Variants in NPAS3 observed in about 807,000 individuals in gnomAD.
NPAS3 encodes the protein neuronal PAS domain protein 3.
In NPAS3, 14 loss-of-function variants were observed where a neutral mutation model predicts 73.1. That is an observed-to-expected ratio of 0.19 (90% CI 0.13 to 0.30). The LOEUF is 0.30. Ranked by LOEUF, NPAS3 falls within the 10% of genes least tolerant of loss-of-function variation. NPAS3 has a pLI of 1.00. For missense variants in NPAS3, 1,096 were observed against 1,250.0 expected (o/e 0.88, Z 1.86); for synonymous variants, 620 against 541.5 (o/e 1.14, Z -2.01).
chr14:33,160,393 C>T (rs1369944304), intron 2 of NPAS3, among the ~76,000 whole-genome samples: 7 of 148,026 alleles, frequency 4.7e-5, no homozygotes, highest in African/African-American at 1.0e-4. Context: ...TTTTATTTCA[C>T]ATTTAGTGAA....
chr14:33,239,876 A>G (rs1466470938), intron 3 of NPAS3, among the ~76,000 whole-genome samples: 1 of 151,586 alleles, frequency 6.6e-6, no homozygotes, highest in Non-Finnish European at 1.5e-5. Context: ...TTTTTTTCAT[A>G]ATTGAGTTAA....
Position 33,202,946 on chromosome 14 carries a change from T to C in NPAS3, c.141-12236T>C, listed in dbSNP as rs540372004. Reference sequence around the variant, plus strand: ...TGAATAATATCGTAAGAAAAGTCTTTTTCTGACATATAAATATAATTTTCT... The same window carrying C: ...TGAATAATATCGTAAGAAAAGTCTTCTTCTGACATATAAATATAATTTTCT... On this transcript the variant is annotated intron_variant, in intron 2 of 11. Transcript: ENST00000356141. Among the ~76,000 whole-genome samples, 154 of 152,356 alleles carry C rather than the reference T, an allele frequency of 1.0e-3. 2 individuals are homozygous for C. Among genetic ancestry groups the C allele is most frequent in the African/African-American group, 3.6e-3 (151 of 41,584 alleles).
intron 1 of NPAS3, among the ~76,000 whole-genome samples, chr14:32,975,083 G>C (rs762257988): frequency 1.3e-4 from 20 of 152,148 alleles, no homozygotes; most frequent in Non-Finnish European, 2.6e-4. Context: ...ACTAGTGAAA[G>C]TGTGACATAA....
chr14:33,561,691 GA>G (rs1318697472), intron 5 of NPAS3, among the ~76,000 whole-genome samples: 3 of 152,184 alleles, frequency 2.0e-5, no homozygotes, highest in Admixed American at 2.0e-4. Context: ...TACAGAACTG[GA>G]AACACCACTG....
chr14:33,553,686 T>TAA (rs1487171430), intron 4 of NPAS3, among the ~76,000 whole-genome samples: 1 of 152,206 alleles, frequency 6.6e-6, no homozygotes, highest in African/African-American at 2.4e-5. Flanking sequence ...AAATAAAGCC[T>TAA]AAACCTTTGA....
intron 5 of NPAS3, among the ~76,000 whole-genome samples, chr14:33,571,360 A>G (rs979249108): frequency 2.0e-4 from 31 of 152,138 alleles, no homozygotes; most frequent in Non-Finnish European, 2.2e-4. Context: ...TTTCGTAAGC[A>G]CTGGGGTAGG....
At chr14:33,409,113 A>G (rs2047799314) in intron 4 of NPAS3, among the ~76,000 whole-genome samples, 1 of 152,206 alleles carries the variant, frequency 6.6e-6, no homozygotes, top group Non-Finnish European at 1.5e-5. Context: ...TATTTGCAGA[A>G]TAAATTTCAA....
intron 2 of NPAS3, among the ~76,000 whole-genome samples, chr14:33,153,045 T>C (rs1344581583): frequency 2.0e-5 from 3 of 152,186 alleles, no homozygotes; most frequent in African/African-American, 4.8e-5. Context: ...CTCATTTTTG[T>C]TGTTTTTAGT....
At chr14:33,581,500 G>T (rs549707167) in intron 5 of NPAS3, among the ~76,000 whole-genome samples, 86 of 152,248 alleles carry the variant, frequency 5.6e-4, no homozygotes, top group South Asian at 1.5e-3. Context: ...CTTCACAACG[G>T]ATTTATATTT....
At chr14:32,935,149 G>T (rs1448903304), upstream of NPAS3, 3 of 313,034 alleles carry the variant, frequency 9.6e-6, no homozygotes, top group East Asian at 2.4e-4. Flanking sequence ...AGATGAGGAA[G>T]AAAAACACAC....
At chr14:33,596,927 G>A (rs1030893406) in intron 5 of NPAS3, among the ~76,000 whole-genome samples, 12 of 152,176 alleles carry the variant, frequency 7.9e-5, no homozygotes, top group Non-Finnish European at 1.3e-4. Context: ...CAGTGGACAG[G>A]GGCCAGATCT....
chr14:33,680,627 ATCAGTT>A (rs2059908798), intron 6 of NPAS3: 1 of 702,682 alleles, frequency 1.4e-6, no homozygotes, highest in Non-Finnish European at 2.6e-6. Context: ...CCAGCGAGTG[ATCAGTT>A]TCTTCTGTAG....
intron 1 of NPAS3, among the ~76,000 whole-genome samples, chr14:33,043,035 A>C (rs901112335): frequency 6.6e-6 from 1 of 152,142 alleles, no homozygotes; most frequent in Non-Finnish European, 1.5e-5. Flanking sequence ...GTTTTAGTTG[A>C]ATGTAATCTC....
chr14:33,239,882 G>A, intron 3 of NPAS3, among the ~76,000 whole-genome samples: 1 of 151,592 alleles, frequency 6.6e-6, no homozygotes, highest in East Asian at 1.9e-4. Flanking sequence ...TCATAATTGA[G>A]TTAAACAGTG....
intron 5 of NPAS3, among the ~76,000 whole-genome samples, chr14:33,637,464 A>G (rs1358970085): frequency 6.6e-6 from 1 of 152,198 alleles, no homozygotes; most frequent in Non-Finnish European, 1.5e-5. Context: ...ATCAGAAGAA[A>G]CTTTTTCTAA....
chr14:33,017,983 T>A (rs927843282), intron 1 of NPAS3, among the ~76,000 whole-genome samples: 2 of 152,326 alleles, frequency 1.3e-5, no homozygotes, highest in South Asian at 2.1e-4. Context: ...GAGATGAATA[T>A]GATTCATTGT....
At chr14:33,338,750 CTT>C (rs1218880400) in intron 3 of NPAS3, among the ~76,000 whole-genome samples, 5 of 152,074 alleles carry the variant, frequency 3.3e-5, no homozygotes, top group East Asian at 1.9e-4. Flanking sequence ...CTTTAAAAGA[CTT>C]TTAATTCAAA....
chr14:33,458,973 A>G lies in NPAS3; in HGVS notation c.468+91705A>G, dbSNP rs1013411276. On this transcript the variant is annotated intron_variant, in intron 4 of 11. Coordinates refer to ENST00000356141, the Ensembl canonical transcript of NPAS3. The stretch of plus-strand genomic sequence containing the variant: ...GAATAAAAGAAGGGCTACTCCATAG[A>G]GCAGCCCCAAAGGCTGCTGGTTGCC... Among the ~76,000 whole-genome samples, 3 of 152,228 alleles carry G rather than the reference A, an allele frequency of 2.0e-5. No individual in the cohort carries two copies. In the South Asian group the frequency reaches 6.2e-4, roughly 32 times the overall value.
chr14:33,300,007 A>T (rs2042464619), intron 3 of NPAS3, among the ~76,000 whole-genome samples: 1 of 152,198 alleles, frequency 6.6e-6, no homozygotes, highest in African/African-American at 2.4e-5. Context: ...TTGAAGAATG[A>T]CAAGATTTGC....
Sources: allele counts gnomAD v4.1 joint callset (sites outside exome capture counted in the v4.1 genomes callset), GRCh38; gene constraint gnomAD v4.1.1; transcripts MANE v1.5; gene names NCBI Gene and HGNC (gene_info 2026-07-23, HGNC 2026-07-21).